LYPLAL1: variants seen among roughly 807,000 people sequenced by gnomAD.
LYPLAL1 encodes the protein lysophospholipase like 1.
LYPLAL1 carries 23 observed loss-of-function variants against 19.7 expected under a neutral mutation model. The observed-to-expected ratio is 1.17, with a 90% CI of 0.84 to 1.65. The LOEUF is 1.65. LYPLAL1 is among the 40% of genes most tolerant of loss of function. The pLI, the probability that LYPLAL1 is intolerant of heterozygous loss-of-function variation, is 0.00. For synonymous variants in LYPLAL1, 119 were observed against 96.3 expected (o/e 1.24, Z -1.38); for missense variants, 355 against 279.4 (o/e 1.27, Z -1.93).
chr1:219,415,186 G>T, the LYPLAL1 span, among the ~76,000 whole-genome samples: 2 of 152,158 alleles, frequency 1.3e-5, no homozygotes, highest in Non-Finnish European at 2.9e-5. Context: ...ATTATTGGAA[G>T]ACTTGTACCA....
chr1:219,425,723 T>C, the LYPLAL1 span, among the ~76,000 whole-genome samples: 1 of 152,206 alleles, frequency 6.6e-6, no homozygotes, highest in Admixed American at 6.5e-5. Flanking sequence ...ATTTGTACTT[T>C]TAGTGATCAA....
At chr1:219,432,893 G>C in the LYPLAL1 span, among the ~76,000 whole-genome samples, 1 of 152,202 alleles carries the variant, frequency 6.6e-6, no homozygotes, top group Non-Finnish European at 1.5e-5. Flanking sequence ...CGGTAAGAGA[G>C]AATACTCACA....
the LYPLAL1 span, among the ~76,000 whole-genome samples, chr1:219,294,042 C>CCT: frequency 6.6e-6 from 1 of 152,166 alleles, no homozygotes; most frequent in Non-Finnish European, 1.5e-5. Flanking sequence ...GACTATTTTC[C>CCT]CACTGTCTTC....
chr1:219,413,114 T>C, the LYPLAL1 span, among the ~76,000 whole-genome samples: 1 of 152,040 alleles, frequency 6.6e-6, no homozygotes, highest in African/African-American at 2.4e-5. Flanking sequence ...ATGGAACTCA[T>C]GTGTTGAAGA....
chr1:219,216,275 G>A (rs1659287086), downstream of LYPLAL1, among the ~76,000 whole-genome samples: 2 of 151,698 alleles, frequency 1.3e-5, no homozygotes, highest in African/African-American at 2.4e-5. Flanking sequence ...TATTTTGTTG[G>A]TCCCTTTATA....
chr1:219,204,186 A>G (rs1658355757), intron 3 of LYPLAL1, among the ~76,000 whole-genome samples: 1 of 152,192 alleles, frequency 6.6e-6, no homozygotes, highest in African/African-American at 2.4e-5. Context: ...GTTTCATATG[A>G]TTCTACCAGA....
At chr1:219,244,909 T>C in the LYPLAL1 span, among the ~76,000 whole-genome samples, 1 of 46,680 alleles carries the variant, frequency 2.1e-5, no homozygotes, top group African/African-American at 6.5e-5. Flanking sequence ...ATCATGCCAC[T>C]GCAAAAAAAA....
the LYPLAL1 span, among the ~76,000 whole-genome samples, chr1:219,220,677 C>A: frequency 6.6e-6 from 1 of 152,030 alleles, no homozygotes; most frequent in Non-Finnish European, 1.5e-5. Flanking sequence ...TTTCTGGAGT[C>A]GATTTTTGAG....
chr1:219,398,119 G>T, the LYPLAL1 span, among the ~76,000 whole-genome samples: 42,447 of 152,088 alleles, frequency 0.28, 6,260 homozygotes, highest in East Asian at 0.5. Flanking sequence ...TGTTGAAGTT[G>T]TCATGGATGA....
chr1:219,362,183 G>A, the LYPLAL1 span, among the ~76,000 whole-genome samples: 1 of 152,098 alleles, frequency 6.6e-6, no homozygotes, highest in South Asian at 2.1e-4. Flanking sequence ...ATGGTGTATA[G>A]ACCTCTACTC....
the LYPLAL1 span, among the ~76,000 whole-genome samples, chr1:219,366,833 C>T: frequency 2.0e-5 from 3 of 151,932 alleles, no homozygotes; most frequent in Admixed American, 6.6e-5. Context: ...TCCACCACTG[C>T]GTCAGTTAAA....
chr1:219,393,916 A>T, the LYPLAL1 span, among the ~76,000 whole-genome samples: 2 of 151,742 alleles, frequency 1.3e-5, no homozygotes, highest in Non-Finnish European at 2.9e-5. Flanking sequence ...CACATGAAAA[A>T]TATGTTCTAC....
At chr1:219,291,474 A>T in the LYPLAL1 span, among the ~76,000 whole-genome samples, 2 of 152,216 alleles carry the variant, frequency 1.3e-5, no homozygotes, top group Non-Finnish European at 2.9e-5. Flanking sequence ...TTGGGAACAC[A>T]TGTCAGCTGA....
the LYPLAL1 span, among the ~76,000 whole-genome samples, chr1:219,218,000 C>G: frequency 6.6e-6 from 1 of 151,800 alleles, no homozygotes; most frequent in African/African-American, 2.4e-5. Context: ...TTATATAGTT[C>G]TTCTGCTTGA....
intron 2 of LYPLAL1, among the ~76,000 whole-genome samples, chr1:219,180,882 G>A (rs1656218183): frequency 6.6e-6 from 1 of 152,130 alleles, no homozygotes; most frequent in African/African-American, 2.4e-5. Context: ...AGCATTATTT[G>A]TGGGTGCTGT....
downstream of LYPLAL1, among the ~76,000 whole-genome samples, chr1:219,213,171 G>T (rs923894024): frequency 1.3e-5 from 2 of 151,836 alleles, no homozygotes; most frequent in South Asian, 2.1e-4. Context: ...AGCACTATTT[G>T]GTGAAACAAC....
chr1:219,417,971 T>A, the LYPLAL1 span, among the ~76,000 whole-genome samples: 3,544 of 152,360 alleles, frequency 0.023, 152 homozygotes, highest in African/African-American at 0.08. Flanking sequence ...TCTTGGATAT[T>A]CTTCCTTAAC....
chr1:219,271,590 AT>A, the LYPLAL1 span: 2 of 152,122 alleles, frequency 1.3e-5, no homozygotes, highest in African/African-American at 4.8e-5. Context: ...CATCTTTAAC[AT>A]TTTCTAAGGC....
chr1:219,427,370 T>C, the LYPLAL1 span, among the ~76,000 whole-genome samples: 13 of 152,362 alleles, frequency 8.5e-5, no homozygotes, highest in Middle Eastern at 6.8e-3. Flanking sequence ...TTTGAAAATA[T>C]CAGGTTGCTT....
Sources: allele counts gnomAD v4.1 joint callset (sites outside exome capture counted in the v4.1 genomes callset), GRCh38; gene constraint gnomAD v4.1.1; transcripts MANE v1.5; gene names NCBI Gene and HGNC (gene_info 2026-07-23, HGNC 2026-07-21).